SIN3A: variants seen among roughly 807,000 people sequenced by gnomAD.
The protein encoded by SIN3A is paired amphipathic helix protein Sin3a.
In SIN3A, 14 loss-of-function variants were observed where a neutral mutation model predicts 146.1. That is an observed-to-expected ratio of 0.10 (90% CI 0.06 to 0.15). The LOEUF (loss-of-function observed/expected upper bound fraction) is 0.15. SIN3A is among the 10% of genes least tolerant of loss of function. The pLI, the probability that SIN3A is intolerant of heterozygous loss-of-function variation, is 1.00. For missense variants in SIN3A, 1,028 were observed against 1,576.0 expected (o/e 0.65, Z 5.89); for synonymous variants, 572 against 572.0 (o/e 1.00, Z 0.00).
At chr15:75,444,400 T>C (rs1409059018) in intron 1 of SIN3A, among the ~76,000 whole-genome samples, 1 of 151,980 alleles carries the variant, frequency 6.6e-6, no homozygotes, top group African/African-American at 2.4e-5. Flanking sequence ...AAGATCGCGC[T>C]ACTGCACTCC....
intron 8 of SIN3A, among the ~76,000 whole-genome samples, chr15:75,408,760 A>T (rs565594346): frequency 1.3e-5 from 2 of 152,228 alleles, no homozygotes; most frequent in Non-Finnish European, 2.9e-5. Context: ...GTAACCCAAC[A>T]AAGAACTTTG....
chr15:75,454,172 T>A (rs1293267895), upstream of SIN3A, among the ~76,000 whole-genome samples: 5 of 146,226 alleles, frequency 3.4e-5, no homozygotes, highest in Non-Finnish European at 7.5e-5. Flanking sequence ...GAAAAAAAAA[T>A]CCTAGCAACT....
At chr15:75,387,440 T>C (rs531135564) in intron 16 of SIN3A, among the ~76,000 whole-genome samples, 1 of 146,164 alleles carries the variant, frequency 6.8e-6, no homozygotes, top group East Asian at 2.0e-4. Flanking sequence ...AGGTCAAGGC[T>C]ACAGTGAGCT....
At chr15:75,376,953 T>G (rs964591285) in intron 19 of SIN3A, among the ~76,000 whole-genome samples, 2 of 151,922 alleles carry the variant, frequency 1.3e-5, no homozygotes, top group Non-Finnish European at 2.9e-5. Context: ...AGCAGTTCTT[T>G]GTCCAAAGGG....
chr15:75,414,237 G>T lies in SIN3A; in HGVS notation c.441C>A (p.Phe147Leu). The T allele has an allele frequency of 6.5e-7, 1 of 1,538,392 alleles. No homozygotes were observed. The highest frequency in any genetic ancestry group is 1.3e-5 in the South Asian group (1 of 76,460). The part of the protein sequence containing the change: ...FGSQPQVYND[F>L]LDIMKEFKSQ... ...ATTTAAATTCCTTCATGATGTCAAG[G>T]AAATCATTGTAGACCTGAGGCTGAC... The change falls in exon 4 of 21, where the codon TTC becomes TTA. Residue 147 changes from phenylalanine to leucine, a missense_variant. Phe to Leu is a conservative substitution (Grantham distance 22). Transcript: ENST00000394947.
At chr15:75,400,325 T>G (rs766648487) in intron 11 of SIN3A, among the ~76,000 whole-genome samples, 169 bp from the exon 12 acceptor site, 2 of 152,212 alleles carry the variant, frequency 1.3e-5, no homozygotes, top group Non-Finnish European at 2.9e-5. Context: ...AAAAGGGTGC[T>G]GAATATAAGC....
In SIN3A at chr15:75,372,042, G is replaced by GGT. The variant is rs1567302074; in HGVS notation, c.3757_3758dup (p.Leu1254ProfsTer5). On this transcript the variant is annotated frameshift_variant, in exon 21 of 21. Transcript: ENST00000394947. LOFTEE classifies it high-confidence loss of function. ...ACTTGTTAATGCTCACAAAATGCAG[G>GGT]GTCTCTGTATCACAGGTGGTGGTAC... 6.2e-7 allele frequency: 1 copy of GGT among 1,614,120 alleles called. No homozygotes were observed. Among genetic ancestry groups the GGT allele is most frequent in the Non-Finnish European group, 8.5e-7 (1 of 1,180,030 alleles).
chr15:75,429,530 A>G (rs1289583545), intron 2 of SIN3A, among the ~76,000 whole-genome samples: 1 of 152,206 alleles, frequency 6.6e-6, no homozygotes, highest in African/African-American at 2.4e-5. Flanking sequence ...TTTCACTACA[A>G]TGATGTTTAA....
upstream of SIN3A, among the ~76,000 whole-genome samples, chr15:75,455,354 C>A (rs1474636590): frequency 6.6e-6 from 1 of 152,182 alleles, no homozygotes; most frequent in Admixed American, 6.5e-5. Context: ...CGGCCCGGTT[C>A]TAGTCGGTGT....
At chr15:75,435,114 C>T (rs2074083998) in intron 1 of SIN3A, among the ~76,000 whole-genome samples, 1 of 151,890 alleles carries the variant, frequency 6.6e-6, no homozygotes. Flanking sequence ...ATACCCATCC[C>T]ATGCATATTA....
chr15:75,409,955 C>G lies in SIN3A; in HGVS notation c.1198G>C (p.Val400Leu). The change falls in exon 8 of 21, where the codon GTG becomes CTG. Residue 400 changes from valine to leucine, a missense_variant. Around this residue, in one of 9 missense-constraint regions of SIN3A, gnomAD observed 40 missense variants for 74.0 expected, o/e 0.54. Coordinates refer to ENST00000394947, the MANE Select transcript of SIN3A (RefSeq NM_001145358.2). ...SKTTAEKVDS[V>L]RNDHGGTVKK... ...ACAGTGCCTCCATGATCATTTCTCA[C>G]AGAATCAACCTTCTCAGCAGTTGTT... 6.2e-7 allele frequency: 1 copy of G among 1,614,194 alleles called. No individual in the cohort carries two copies. Among genetic ancestry groups the G allele is most frequent in the Non-Finnish European group, 8.5e-7 (1 of 1,180,038 alleles).
intron 2 of SIN3A, among the ~76,000 whole-genome samples, chr15:75,428,848 G>A (rs1321433908): frequency 6.6e-6 from 1 of 152,048 alleles, no homozygotes; most frequent in Non-Finnish European, 1.5e-5. Context: ...TGCCAACCCT[G>A]AGATGGCCAG....
At position 75,410,121 on chromosome 15, in the gene SIN3A, T is replaced by A. The variant is rs2141487021; in HGVS notation, c.1161+13A>T. On this transcript the variant is annotated intron_variant, in intron 7 of 20. Transcript: ENST00000394947. ...TAATAGTAAATAGTGTAATTCTTAT[T>A]AAAAAAACATACCACGGAGCTGTTG... 1 of 1,612,096 alleles carries A rather than the reference T, an allele frequency of 6.2e-7. No homozygotes were observed. Among genetic ancestry groups the A allele is most frequent in the Non-Finnish European group, 8.5e-7 (1 of 1,178,990 alleles).
chr15:75,442,397 G>A lies in SIN3A; in HGVS notation c.-34+9026C>T, dbSNP rs182093904. ...TATGTTGCCCAGGCTGGTCTCGAACGTCTGGGCTCAAGCGATCCTCCCACC... is the reference window on the plus strand; with the variant it reads ...TATGTTGCCCAGGCTGGTCTCGAACATCTGGGCTCAAGCGATCCTCCCACC... On this transcript the variant is annotated intron_variant, in intron 1 of 20. Transcript: ENST00000394947. Among the ~76,000 whole-genome samples, 235 of 149,852 alleles carry A rather than the reference G, an allele frequency of 1.6e-3. 2 individuals carry two copies. The highest frequency in any genetic ancestry group is 5.6e-3 in the African/African-American group (228 of 40,800).
In SIN3A at chr15:75,375,831, T is replaced by C. The variant is rs2141368909; in HGVS notation, c.3425A>G (p.Gln1142Arg). ...RIRKCQRGRE[Q>R]QEKEGKEGNS... ...TCCTTCCTTCCCTTCCTTTTCCTGCTGCTCTCGACCACGTTGACACTTCCG... is the reference window on the plus strand; with the variant it reads ...TCCTTCCTTCCCTTCCTTTTCCTGCCGCTCTCGACCACGTTGACACTTCCG... Residue 1142 changes from glutamine to arginine, a missense_variant, in exon 20 of 21, where the codon CAG becomes CGG. Coordinates refer to ENST00000394947, the MANE Select transcript of SIN3A (RefSeq NM_001145358.2). 1.2e-6 allele frequency: 2 copies of C among 1,614,216 alleles called. No individual in the cohort carries two copies. Among genetic ancestry groups the C allele is most frequent in the Non-Finnish European group, 1.7e-6 (2 of 1,180,048 alleles).
At chr15:75,429,829 CA>C (rs1385577431) in intron 2 of SIN3A, among the ~76,000 whole-genome samples, 1 of 152,028 alleles carries the variant, frequency 6.6e-6, no homozygotes, top group Non-Finnish European at 1.5e-5. Flanking sequence ...CAAAGTGAGT[CA>C]AAGAAGAAAA....
chr15:75,419,187 T>C (rs1034029163), intron 3 of SIN3A: 1 of 152,226 alleles, frequency 6.6e-6, no homozygotes, highest in African/African-American at 2.4e-5. Flanking sequence ...AGTTTTTCTA[T>C]ACAAATATCA....
intron 20 of SIN3A, among the ~76,000 whole-genome samples, chr15:75,374,962 G>A (rs904962068): frequency 2.6e-5 from 4 of 152,124 alleles, no homozygotes; most frequent in African/African-American, 7.2e-5. Context: ...CCTATACGCA[G>A]CTGCACCAGG....
chr15:75,441,996 C>T (rs754285707), intron 1 of SIN3A, among the ~76,000 whole-genome samples: 5 of 151,122 alleles, frequency 3.3e-5, no homozygotes, highest in Admixed American at 1.3e-4. Flanking sequence ...GGCACGCACC[C>T]GTAGTCCCAG....
Sources: gnomAD v4.1 joint callset for allele counts (sites outside exome capture counted in the v4.1 genomes callset) on GRCh38, gnomAD v4.1.1 for gene constraint, gnomAD v4.1.1 regional missense constraint, MANE v1.5 for transcripts, NCBI Gene and HGNC (gene_info 2026-07-23, HGNC 2026-07-21) for gene names.